PBX1: variants seen among roughly 807,000 people sequenced by gnomAD.
PBX1 encodes the protein PBX homeobox 1.
A neutral mutation model predicts 53.4 loss-of-function variants in PBX1; 6 were observed. That is an observed-to-expected ratio of 0.11 (90% confidence interval 0.06 to 0.22). The LOEUF is 0.22. Among genes scored for constraint, PBX1 ranks in the 10% least tolerant of loss-of-function variants. PBX1 has a pLI of 1.00. For missense variants in PBX1, 251 were observed against 551.4 expected, an observed-to-expected ratio of 0.46 and a Z score of 5.46; for synonymous variants, 204 against 212.3, an observed-to-expected ratio of 0.96 and a Z score of 0.34.
chr1:164,701,974 A>C (rs1042458865), intron 2 of PBX1, among the ~76,000 whole-genome samples: 2 of 152,226 alleles, frequency 1.3e-5, no homozygotes, highest in Non-Finnish European at 2.9e-5. Context: ...GACAAAGTGC[A>C]TGAAGGGGAC....
intron 2 of PBX1, among the ~76,000 whole-genome samples, chr1:164,881,333 GAA>G (rs2102465724): frequency 1.4e-4 from 1 of 7,388 alleles, no homozygotes; most frequent in Non-Finnish European, 1.5e-3. Flanking sequence ...AGGAGGAAAA[GAA>G]GGAAGGAAGG....
At chr1:164,872,119 T>C (rs1311809465) in intron 2 of PBX1, among the ~76,000 whole-genome samples, 1 of 152,200 alleles carries the variant, frequency 6.6e-6, no homozygotes, top group East Asian at 1.9e-4. Context: ...TTCATATACT[T>C]ACAAGATTTT....
chr1:164,671,295 A>G (rs947036522), intron 2 of PBX1, among the ~76,000 whole-genome samples: 1 of 152,130 alleles, frequency 6.6e-6, no homozygotes, highest in Non-Finnish European at 1.5e-5. Context: ...GGATTTCATT[A>G]ATGAAATGAA....
At chr1:164,869,859 A>G (rs1009780700) in intron 2 of PBX1, among the ~76,000 whole-genome samples, 6 of 152,204 alleles carry the variant, frequency 3.9e-5, no homozygotes, top group South Asian at 2.1e-4. Flanking sequence ...AATTTGGGGC[A>G]GAAGCAAGCC....
At chr1:164,762,934 T>C (rs1666882874) in intron 2 of PBX1, among the ~76,000 whole-genome samples, 1 of 152,208 alleles carries the variant, frequency 6.6e-6, no homozygotes, top group Non-Finnish European at 1.5e-5. Context: ...TGAAAAATAA[T>C]AGCAGCTGTA....
At chr1:164,719,795 G>A (rs887412778) in intron 2 of PBX1, among the ~76,000 whole-genome samples, 1 of 152,160 alleles carries the variant, frequency 6.6e-6, no homozygotes, top group Non-Finnish European at 1.5e-5. Context: ...GTGTGCGTGT[G>A]TATACATGCA....
rs181135924 is a variant in PBX1, at chr1:164,574,840, G to A, written c.265+11529G>A. Among the ~76,000 whole-genome samples the A allele has an allele frequency of 9.1e-4, 139 of 152,222 alleles. 1 individual carries two copies. The highest frequency in any genetic ancestry group is 3.4e-3 in the Middle Eastern group (1 of 294). The stretch of plus-strand genomic sequence containing the variant: ...CTACTAAAAATACAAAAATTAGCTG[G>A]GTGTGGTGGTGGGCACCTGTAACCC... On this transcript the variant is annotated intron_variant, in intron 2 of 8. Transcript: ENST00000420696.
chr1:164,852,854 G>A (rs181680838), downstream of PBX1, among the ~76,000 whole-genome samples: 99 of 152,278 alleles, frequency 6.5e-4, no homozygotes, highest in African/African-American at 2.2e-3. Context: ...TGGAGGACTC[G>A]TGTTCTCTCT....
At chr1:164,807,086 ATCTCTAC>A (rs1383877286) in intron 4 of PBX1, among the ~76,000 whole-genome samples, 1 of 152,082 alleles carries the variant, frequency 6.6e-6, no homozygotes, top group Admixed American at 6.5e-5. Flanking sequence ...ATGAAACCCC[ATCTCTAC>A]TAAAAATACA....
chr1:164,783,670 T>C (rs374243960), intron 2 of PBX1, among the ~76,000 whole-genome samples: 1 of 152,210 alleles, frequency 6.6e-6, no homozygotes, highest in Non-Finnish European at 1.5e-5. Flanking sequence ...TGAAGTCGTG[T>C]AGTAGGAGTC....
intron 2 of PBX1, among the ~76,000 whole-genome samples, chr1:164,600,714 A>G (rs1282046239): frequency 6.6e-6 from 1 of 152,176 alleles, no homozygotes; most frequent in African/African-American, 2.4e-5. Context: ...TAGGGGCTCA[A>G]TCCCTTGTGG....
downstream of PBX1, among the ~76,000 whole-genome samples, chr1:164,856,296 A>T (rs1004018736): frequency 1.3e-5 from 2 of 152,036 alleles, no homozygotes; most frequent in Admixed American, 6.6e-5. Flanking sequence ...TGAGATTTGC[A>T]CCTGATGTTT....
At chr1:164,595,681 G>A (rs978463570) in intron 2 of PBX1, among the ~76,000 whole-genome samples, 1 of 152,072 alleles carries the variant, frequency 6.6e-6, no homozygotes, top group Admixed American at 6.6e-5. Flanking sequence ...TCTTATTTAT[G>A]GAGATGATGG....
At chr1:164,884,359 C>T (rs74118241) in intron 2 of PBX1, among the ~76,000 whole-genome samples, 1 of 152,084 alleles carries the variant, frequency 6.6e-6, no homozygotes, top group Non-Finnish European at 1.5e-5. Context: ...TAGGTCCAGG[C>T]CTTTTTCTTC....
chr1:164,699,830 G>A (rs1360695127), intron 2 of PBX1, among the ~76,000 whole-genome samples: 3 of 152,154 alleles, frequency 2.0e-5, no homozygotes, highest in Admixed American at 2.0e-4. Flanking sequence ...GAGCTGTGAT[G>A]CTGTCGTCCC....
chr1:164,649,375 A>G (rs1341222917), intron 2 of PBX1, among the ~76,000 whole-genome samples: 1 of 152,180 alleles, frequency 6.6e-6, no homozygotes, highest in Non-Finnish European at 1.5e-5. Flanking sequence ...ATAGGGAAGG[A>G]AAGTGTTAAC....
At chr1:164,579,263 C>T (rs1315310292) in intron 2 of PBX1, among the ~76,000 whole-genome samples, 1 of 152,152 alleles carries the variant, frequency 6.6e-6, no homozygotes, top group African/African-American at 2.4e-5. Context: ...TCAATAAGTA[C>T]ATGTAGACAA....
intron 2 of PBX1, among the ~76,000 whole-genome samples, chr1:164,866,388 C>T (rs1351932932): frequency 2.6e-5 from 4 of 152,220 alleles, no homozygotes; most frequent in Non-Finnish European, 5.9e-5. Context: ...GTTACCCAGC[C>T]ATGGAGTCAC....
At chr1:164,751,378 A>T (rs1409119311) in intron 2 of PBX1, among the ~76,000 whole-genome samples, 1 of 152,028 alleles carries the variant, frequency 6.6e-6, no homozygotes, top group East Asian at 1.9e-4. Context: ...GAATGTGTAC[A>T]ATGGAGTTTT....
Sources: gnomAD v4.1 joint callset for allele counts (sites outside exome capture counted in the v4.1 genomes callset) on GRCh38, gnomAD v4.1.1 for gene constraint, MANE v1.5 for transcripts, NCBI Gene and HGNC (gene_info 2026-07-23, HGNC 2026-07-21) for gene names.